MACROD2: variants seen among roughly 807,000 people sequenced by gnomAD.
MACROD2 encodes mono-ADP ribosylhydrolase 2, also known as ADP-ribose glycohydrolase MACROD2.
MACROD2 carries 36 observed loss-of-function variants against 70.4 expected under a neutral mutation model. That is an observed-to-expected ratio of 0.51 (90% CI 0.39 to 0.68). MACROD2 has a LOEUF of 0.68. MACROD2 is among the 30% of genes least tolerant of loss of function. MACROD2 has a pLI of 0.00. For synonymous variants in MACROD2, 172 were observed against 178.8 expected (o/e 0.96, Z 0.30); for missense variants, 496 against 538.4 (o/e 0.92, Z 0.78).
At chr20:14,900,394 A>G (rs1164111746) in intron 5 of MACROD2, among the ~76,000 whole-genome samples, 1 of 152,114 alleles carries the variant, frequency 6.6e-6, no homozygotes, top group Admixed American at 6.5e-5. Context: ...GCAATTCTTC[A>G]AAGTATTTAA....
intron 2 of MACROD2, among the ~76,000 whole-genome samples, chr20:14,041,846 A>C (rs1355422290): frequency 1.3e-5 from 2 of 152,134 alleles, no homozygotes; most frequent in African/African-American, 4.8e-5. Flanking sequence ...TACCACACTA[A>C]GAGCAGAGTC....
chr20:14,486,560 C>T (rs542013721), intron 3 of MACROD2, among the ~76,000 whole-genome samples: 3 of 129,442 alleles, frequency 2.3e-5, no homozygotes, highest in Admixed American at 1.9e-4. Context: ...ATTCTTGTCG[C>T]CCAGGCTGGA....
intron 5 of MACROD2, among the ~76,000 whole-genome samples, chr20:15,154,796 C>T (rs2076295554): frequency 6.6e-6 from 1 of 152,178 alleles, no homozygotes; most frequent in African/African-American, 2.4e-5. Context: ...GATTGCAGCA[C>T]ATGAATTTTG....
chr20:14,637,780 C>T (rs1984861059), intron 4 of MACROD2, among the ~76,000 whole-genome samples: 1 of 152,072 alleles, frequency 6.6e-6, no homozygotes, highest in African/African-American at 2.4e-5. Context: ...CAAATTTTTT[C>T]TCTTCGATGG....
In MACROD2 at chr20:14,846,613, G is replaced by T. The variant is rs796994405; in HGVS notation, c.418+161654G>T. ...GCTCAATGCAAGCTCTGCCTCCCGG[G>T]TTCACGCCACTCTCCTGCCTCAGCC... On this transcript the variant is annotated intron_variant, in intron 5 of 17. Transcript: ENST00000684519. 6.3e-4 allele frequency among the ~76,000 whole-genome samples: 88 copies of T among 140,056 alleles called. 2 individuals carry two copies. Among genetic ancestry groups the T allele is most frequent in the African/African-American group, 2.2e-3 (81 of 37,608 alleles). 91.9% of individuals were successfully genotyped at this position (140,056 alleles called of 152,430 possible). A position where few individuals can be genotyped will look rare whatever the true frequency, so the allele number is the denominator to read the frequency against.
intron 12 of MACROD2, among the ~76,000 whole-genome samples, chr20:15,944,172 C>T (rs2065788703): frequency 6.6e-6 from 1 of 152,082 alleles, no homozygotes; most frequent in Admixed American, 6.6e-5. Context: ...TATCTATGAT[C>T]AGTTCCTCAG....
intron 8 of MACROD2, among the ~76,000 whole-genome samples, chr20:15,636,092 AG>A (rs1334125913): frequency 8.0e-4 from 112 of 140,722 alleles, no homozygotes; most frequent in African/African-American, 1.1e-3. Context: ...AAAAAAAAAA[AG>A]AAAGAAAAGA....
intron 5 of MACROD2, among the ~76,000 whole-genome samples, chr20:14,802,729 GGA>G (rs2072592214): frequency 4.0e-5 from 6 of 151,134 alleles, no homozygotes; most frequent in Admixed American, 2.6e-4. Context: ...CTCTGTCTTT[GGA>G]TCTCATTTCT....
intron 8 of MACROD2, among the ~76,000 whole-genome samples, chr20:15,725,526 A>AC (rs11482039): frequency 6.6e-6 from 1 of 151,990 alleles, no homozygotes; most frequent in Admixed American, 6.6e-5. Flanking sequence ...TCATCTGCAA[A>AC]AAAGATATTC....
rs547194834 is a variant in MACROD2 at position 15,195,855 on chromosome 20, A to G, written c.419-34085A>G. ...CAAATGGCCATCAATGATAGACTGG[A>G]TAAAGAAAATGTGGTACATATACAC... On this transcript the variant is annotated intron_variant, in intron 5 of 17. Coordinates refer to ENST00000684519, the MANE Select transcript of MACROD2 (RefSeq NM_001351661.2). 6.8e-4 allele frequency among the ~76,000 whole-genome samples: 103 copies of G among 152,328 alleles called. No homozygotes were observed. The Middle Eastern group carries it at 0.01, about 15-fold the overall frequency.
chr20:15,727,722 T>C (rs543678997), intron 8 of MACROD2, among the ~76,000 whole-genome samples: 127 of 152,294 alleles, frequency 8.3e-4, no homozygotes, highest in African/African-American at 2.8e-3. Flanking sequence ...ATTGCATTTT[T>C]TATTTGAATC....
At chr20:15,993,233 AGTGTGTGTGTGT>A (rs11468964) in intron 15 of MACROD2, among the ~76,000 whole-genome samples, 151 of 144,088 alleles carry the variant, frequency 1.0e-3, no homozygotes, top group African/African-American at 3.3e-3. Context: ...GAATTTGAAG[AGTGTGTGTGTGT>A]GTGTGTGTGT....
At chr20:15,588,249 T>C (rs1356913829) in intron 8 of MACROD2, among the ~76,000 whole-genome samples, 2 of 151,966 alleles carry the variant, frequency 1.3e-5, no homozygotes, top group Non-Finnish European at 2.9e-5. Context: ...ATGGCTGGAG[T>C]GGCTGGGACA....
At chr20:14,654,188 T>C (rs1347524601) in intron 4 of MACROD2, among the ~76,000 whole-genome samples, 1 of 152,162 alleles carries the variant, frequency 6.6e-6, no homozygotes, top group Admixed American at 6.5e-5. Context: ...TATATTTTTG[T>C]AAACCACTCT....
intron 3 of MACROD2, among the ~76,000 whole-genome samples, chr20:14,479,680 G>A (rs1238720770): frequency 6.6e-6 from 1 of 152,040 alleles, no homozygotes; most frequent in East Asian, 1.9e-4. Flanking sequence ...GGAGGAACCA[G>A]AAAAAACAAA....
At chr20:15,432,864 A>G (rs1173792824) in intron 7 of MACROD2, among the ~76,000 whole-genome samples, 1 of 152,072 alleles carries the variant, frequency 6.6e-6, no homozygotes, top group African/African-American at 2.4e-5. Flanking sequence ...TTGATGTAAT[A>G]TATATGGTAT....
At chr20:15,066,125 T>A (rs771375690) in intron 5 of MACROD2, among the ~76,000 whole-genome samples, 1 of 150,584 alleles carries the variant, frequency 6.6e-6, no homozygotes, top group Non-Finnish European at 1.5e-5. Context: ...TTTTTTTTTA[T>A]TTTTAATTTT....
intron 3 of MACROD2, among the ~76,000 whole-genome samples, chr20:14,434,591 T>C (rs1403235059): frequency 6.6e-6 from 1 of 152,046 alleles, no homozygotes; most frequent in Non-Finnish European, 1.5e-5. Flanking sequence ...CTAAGGTGAG[T>C]CAAGCACATT....
intron 8 of MACROD2, among the ~76,000 whole-genome samples, chr20:15,550,028 GT>G (rs2048074838): frequency 6.6e-6 from 1 of 151,816 alleles, no homozygotes; most frequent in Non-Finnish European, 1.5e-5. Flanking sequence ...CTAACATTCA[GT>G]TTATATTCAG....
Sources: gnomAD v4.1 joint callset for allele counts (sites outside exome capture counted in the v4.1 genomes callset) on GRCh38, gnomAD v4.1.1 for gene constraint, MANE v1.5 for transcripts, NCBI Gene and HGNC (gene_info 2026-07-23, HGNC 2026-07-21) for gene names.